The following ITGAM variants were observed in gnomAD, a reference collection of about 807,000 sequenced individuals.
ITGAM encodes the protein integrin alpha-M.
ITGAM carries 79 observed loss-of-function variants against 137.5 expected under a neutral mutation model. That is an observed-to-expected ratio of 0.57 (90% CI 0.48 to 0.69). The LOEUF (loss-of-function observed/expected upper bound fraction) is 0.69, where lower values mean the gene tolerates loss of function less well. ITGAM is among the 30% of genes least tolerant of loss of function. The pLI, the probability that ITGAM is intolerant of heterozygous loss-of-function variation, is 0.00. For synonymous variants in ITGAM, 583 were observed against 592.3 expected (o/e 0.98, Z 0.23); for missense variants, 1,343 against 1,483.5 (o/e 0.91, Z 1.56).
rs776945214 is a variant in ITGAM at position 31,273,463 on chromosome 16, A to G, written c.803A>G (p.Tyr268Cys). 8 of 1,613,770 alleles carry G rather than the reference A, an allele frequency of 5.0e-6. No homozygotes were observed. Among genetic ancestry groups the G allele is most frequent in the Admixed American group, 1.7e-5 (1 of 59,986 alleles). ...GAAAAGTTTGGCGATCCCTTGGGAT[A>G]TGAGGATGTCATCCCTGAGGCAGAC... Reference protein sequence around the residue: ...DGEKFGDPLGYEDVIPEADRE... With the variant: ...DGEKFGDPLGCEDVIPEADRE... The change falls in exon 8 of 30, where the codon TAT becomes TGT. Residue 268 changes from tyrosine (Y) to cysteine (C), a missense_variant. Coordinates refer to ENST00000544665, the MANE Select transcript of ITGAM (RefSeq NM_000632.4).
chr16:31,316,893 ATAGT>A (rs1204390268), intron 14 of ITGAM, among the ~76,000 whole-genome samples: 1 of 152,090 alleles, frequency 6.6e-6, no homozygotes, highest in Non-Finnish European at 1.5e-5. Context: ...TCTTTTTCAG[ATAGT>A]TTGTTGTTAG....
At chr16:31,318,142 T>C (rs1319352851) in intron 14 of ITGAM, among the ~76,000 whole-genome samples, 1 of 152,188 alleles carries the variant, frequency 6.6e-6, no homozygotes, top group Non-Finnish European at 1.5e-5. Context: ...GATTCAGGCT[T>C]GGTAGGTTGT....
rs41474849 is a variant in ITGAM, at chr16:31,326,565, C to T, written c.2629-291C>T. Among the ~76,000 whole-genome samples the T allele has an allele frequency of 2.5e-3, 381 of 152,190 alleles. 1 individual carries two copies. Among genetic ancestry groups the T allele is most frequent in the African/African-American group, 8.4e-3 (350 of 41,504 alleles). On this transcript the variant is annotated intron_variant, in intron 21 of 29. Transcript: ENST00000544665. ...CCAAGTAGCTGGGGTTACATGCGCCCGCCACCACACCCAGCTAATTTTTGT... is the reference window on the plus strand; with the variant it reads ...CCAAGTAGCTGGGGTTACATGCGCCTGCCACCACACCCAGCTAATTTTTGT...
At chr16:31,307,598 G>A (rs1276015403) in intron 14 of ITGAM, among the ~76,000 whole-genome samples, 2 of 152,162 alleles carry the variant, frequency 1.3e-5, no homozygotes, top group African/African-American at 4.8e-5. Flanking sequence ...TGCAAACAGG[G>A]ACAATTTGAC....
At chr16:31,301,797 AAG>A (rs1370656287) in intron 14 of ITGAM, among the ~76,000 whole-genome samples, 1 of 152,204 alleles carries the variant, frequency 6.6e-6, no homozygotes, top group Admixed American at 6.6e-5. Flanking sequence ...CACAAATATG[AAG>A]AGCTTTATTA....
At chr16:31,298,078 TAAC>T in intron 14 of ITGAM, 124 bp downstream of exon 14, 1 of 825,112 alleles carries the variant, frequency 1.2e-6, no homozygotes, top group Non-Finnish European at 2.0e-6. Context: ...TCAAAAATAA[TAAC>T]ATGTGGCTGG....
In ITGAM at chr16:31,260,112, G is replaced by A. The variant is rs1453465679; in HGVS notation, c.28+20G>A. 1.3e-6 allele frequency: 2 copies of A among 1,517,302 alleles called. No homozygotes were observed. Among genetic ancestry groups the A allele is most frequent in the Non-Finnish European group, 1.8e-6 (2 of 1,111,776 alleles). The allele number at this position is 1,517,302 out of a possible 1,614,324, so 94.0% of individuals were successfully genotyped here. Reference sequence around the variant, plus strand: ...TAACAGGTGCATGGGGGTGGGGTGGGGGACTCTGGGTGGGGAGGAGGGTAA... The same window carrying A: ...TAACAGGTGCATGGGGGTGGGGTGGAGGACTCTGGGTGGGGAGGAGGGTAA... On this transcript the variant is annotated intron_variant, in intron 1 of 29. Coordinates refer to ENST00000544665, the MANE Select transcript of ITGAM (RefSeq NM_000632.4).
At position 31,331,230 on chromosome 16, in the gene ITGAM, C is replaced by G. The variant is rs535441196; in HGVS notation, c.3342C>G (p.Val1114=). The G allele has an allele frequency of 1.9e-6, 3 of 1,613,390 alleles. No individual in the cohort carries two copies. In the East Asian group the frequency reaches 6.7e-5, roughly 36 times the overall value. The change falls in exon 29 of 30, where the codon GTC becomes GTG. Residue 1114 remains valine (V), a synonymous_variant. Coordinates refer to ENST00000544665, the MANE Select transcript of ITGAM (RefSeq NM_000632.4). ...NPLPLIVGSS[V]GGLLLLALIT... ...TGCCGCTCATCGTGGGCAGCTCTGT[C>G]GGGGGACTGCTGCTCCTGGCCCTCA...
In ITGAM at chr16:31,302,420, CT is replaced by C. The variant is rs1383728038; in HGVS notation, c.1707+4469del. Among the ~76,000 whole-genome samples the C allele has an allele frequency of 7.1e-4, 95 of 133,610 alleles. 2 individuals are homozygous for C. The highest frequency in any genetic ancestry group is 1.7e-3 in the African/African-American group (50 of 29,778). 87.7% of individuals were successfully genotyped at this position (133,610 alleles called of 152,430 possible). A position where few individuals can be genotyped will look rare whatever the true frequency, so the allele number is the denominator to read the frequency against. On this transcript the variant is annotated intron_variant, in intron 14 of 29. Coordinates refer to ENST00000544665, the MANE Select transcript of ITGAM (RefSeq NM_000632.4). ...CTTTTCTTTTCTTTTTTCTTTCTTTCTTTCTTTCTTCTTTCTTTCTTTCTTT... is the reference window on the plus strand; with the variant it reads ...CTTTTCTTTTCTTTTTTCTTTCTTTCTTCTTTCTTCTTTCTTTCTTTCTTT...
At chr16:31,287,815 T>C (rs1272172509) in intron 12 of ITGAM, among the ~76,000 whole-genome samples, 1 of 150,794 alleles carries the variant, frequency 6.6e-6, no homozygotes, top group Non-Finnish European at 1.5e-5. Context: ...GCCTGACATG[T>C]ATAAGGGATG....
intron 5 of ITGAM, among the ~76,000 whole-genome samples, chr16:31,270,148 CT>C (rs1567248345): frequency 4.6e-3 from 307 of 66,636 alleles, no homozygotes; most frequent in African/African-American, 0.017. Flanking sequence ...CTTTCCTTTC[CT>C]TTCCTTTCCT....
chr16:31,322,624 T>C (rs1296956691), intron 16 of ITGAM, among the ~76,000 whole-genome samples: 1 of 152,142 alleles, frequency 6.6e-6, no homozygotes, highest in African/African-American at 2.4e-5. Flanking sequence ...TTGAGACAAC[T>C]GACTAGCAAC....
At chr16:31,273,297 T>TAAAAAA in intron 7 of ITGAM, 68 bp from the exon 8 acceptor site, 1 of 1,213,180 alleles carries the variant, frequency 8.2e-7, no homozygotes, top group Non-Finnish European at 1.1e-6. Flanking sequence ...GTCTATTTCT[T>TAAAAAA]AAAAAAAAAA....
At chr16:31,326,058 C>T (rs1157425303) in intron 21 of ITGAM, among the ~76,000 whole-genome samples, 1 of 151,880 alleles carries the variant, frequency 6.6e-6, no homozygotes, top group Non-Finnish European at 1.5e-5. Context: ...AGAGTGAGAC[C>T]CTGTCTTGAA....
At chr16:31,266,422 A>G (rs2144263587) in intron 5 of ITGAM, among the ~76,000 whole-genome samples, 1 of 151,408 alleles carries the variant, frequency 6.6e-6, no homozygotes, top group South Asian at 2.1e-4. Flanking sequence ...GTCTCTAAAA[A>G]AAAAAAAAAA....
rs199581515 is a variant in ITGAM, at chr16:31,321,260, T to G, written c.1727T>G (p.Leu576Arg). The G allele has an allele frequency of 6.2e-7, 1 of 1,613,858 alleles. No homozygotes were observed. The highest frequency in any genetic ancestry group is 8.5e-7 in the Non-Finnish European group (1 of 1,179,846). ...SHSQRIAGSK[L>R]SPRLQYFGQS... is the part of the protein sequence containing the mutation. ...CCTCAGCGGATAGCAGGCTCCAAGC[T>G]CTCTCCCAGGCTCCAGTATTTTGGT... is the stretch of plus-strand genomic sequence containing the variant. The change falls in exon 15 of 30, where the codon CTC (leucine) becomes CGC (arginine). Residue 576 changes from leucine (L) to arginine (R), a missense_variant. Coordinates refer to ENST00000544665, the MANE Select transcript of ITGAM (RefSeq NM_000632.4).
At chr16:31,274,135 G>C (rs539439652) in intron 8 of ITGAM, among the ~76,000 whole-genome samples, 14 of 152,314 alleles carry the variant, frequency 9.2e-5, no homozygotes, top group African/African-American at 3.4e-4. Flanking sequence ...AACGCCACAA[G>C]CTGCATGGAA....
At chr16:31,303,094 C>CGA (rs2080232337) in intron 14 of ITGAM, among the ~76,000 whole-genome samples, 1 of 151,068 alleles carries the variant, frequency 6.6e-6, no homozygotes, top group Admixed American at 6.6e-5. Flanking sequence ...AGTGCAGTGA[C>CGA]GAGATCATGG....
intron 12 of ITGAM, among the ~76,000 whole-genome samples, chr16:31,289,714 C>T (rs1450955819): frequency 6.6e-6 from 1 of 152,100 alleles, no homozygotes; most frequent in Non-Finnish European, 1.5e-5. Flanking sequence ...ATGTAACAAA[C>T]CTGCACGTTG....
Sources: allele counts gnomAD v4.1 joint callset (sites outside exome capture counted in the v4.1 genomes callset), GRCh38; gene constraint gnomAD v4.1.1; transcripts MANE v1.5; gene names NCBI Gene and HGNC (gene_info 2026-07-23, HGNC 2026-07-21).